Variants in DTNB observed in about 807,000 individuals in gnomAD.
DTNB encodes dystrobrevin beta.
A neutral mutation model predicts 90.7 loss-of-function variants in DTNB; 63 were observed. The observed-to-expected ratio is 0.69, with a 90% CI of 0.57 to 0.86. DTNB has a LOEUF of 0.86. Ranked by LOEUF, DTNB falls within the 40% of genes least tolerant of loss-of-function variation. The pLI is 0.00. For synonymous variants in DTNB, 277 were observed against 286.7 expected, an observed-to-expected ratio of 0.97 and a Z score of 0.34; for missense variants, 744 against 807.1, an observed-to-expected ratio of 0.92 and a Z score of 0.95.
intron 9 of DTNB, among the ~76,000 whole-genome samples, chr2:25,494,845 C>T (rs2068435319): frequency 6.6e-6 from 1 of 151,904 alleles, no homozygotes; most frequent in African/African-American, 2.4e-5. Flanking sequence ...TGGTATTCCT[C>T]CCGGAACATC....
At chr2:25,566,304 G>A (rs1295502985) in intron 8 of DTNB, among the ~76,000 whole-genome samples, 3 of 152,136 alleles carry the variant, frequency 2.0e-5, no homozygotes, top group Non-Finnish European at 4.4e-5. Context: ...AACAAATTGT[G>A]CGAACAGGGA....
At chr2:25,625,875 G>A (rs973353526) in intron 4 of DTNB, among the ~76,000 whole-genome samples, 2 of 152,026 alleles carry the variant, frequency 1.3e-5, no homozygotes, top group African/African-American at 4.8e-5. Context: ...AGATAATTAG[G>A]TCACGAGGGG....
intron 9 of DTNB, among the ~76,000 whole-genome samples, chr2:25,523,109 A>G (rs997991725): frequency 1.3e-5 from 2 of 152,198 alleles, no homozygotes; most frequent in African/African-American, 4.8e-5. Flanking sequence ...AAAGTCTATC[A>G]ACAGCATTAA....
intron 8 of DTNB, among the ~76,000 whole-genome samples, chr2:25,566,828 A>G (rs565580365): frequency 6.6e-6 from 1 of 152,316 alleles, no homozygotes; most frequent in African/African-American, 2.4e-5. Flanking sequence ...AAGCAGTTGA[A>G]AGTGAAGGCA....
At chr2:25,474,238 C>G (rs978537704) in intron 10 of DTNB, among the ~76,000 whole-genome samples, 2 of 151,886 alleles carry the variant, frequency 1.3e-5, no homozygotes, top group African/African-American at 2.4e-5. Flanking sequence ...ACACTAAGGA[C>G]CCTGCAGTTC....
intron 4 of DTNB, among the ~76,000 whole-genome samples, chr2:25,617,108 A>T (rs1301650207): frequency 6.6e-6 from 1 of 152,134 alleles, no homozygotes; most frequent in Non-Finnish European, 1.5e-5. Context: ...ACAAACTACG[A>T]ATCTTCTCTT....
intron 12 of DTNB, among the ~76,000 whole-genome samples, chr2:25,442,265 C>T (rs1002207453): frequency 1.3e-5 from 2 of 152,206 alleles, no homozygotes; most frequent in African/African-American, 4.8e-5. Context: ...GCACTCTATC[C>T]AAAACTAATG....
At chr2:25,462,165 C>T (rs555182909) in intron 10 of DTNB, among the ~76,000 whole-genome samples, 6 of 152,296 alleles carry the variant, frequency 3.9e-5, no homozygotes, top group African/African-American at 9.6e-5. Context: ...TTTGCAGGTG[C>T]GCTAGCTGCA....
chr2:25,587,527 C>CA (rs1572986434), intron 6 of DTNB, among the ~76,000 whole-genome samples: 1 of 152,306 alleles, frequency 6.6e-6, no homozygotes, highest in East Asian at 1.9e-4. Flanking sequence ...CCTGGACCGA[C>CA]AGCCCCACAC....
chr2:25,455,316 T>G (rs191995026), intron 11 of DTNB, 89 bp downstream of exon 11: 2 of 1,262,912 alleles, frequency 1.6e-6, no homozygotes, highest in East Asian at 2.7e-5. Flanking sequence ...TGACATGCAG[T>G]TTTTTTTCCA....
chr2:25,559,144 C>G (rs1469697286), intron 8 of DTNB, among the ~76,000 whole-genome samples: 1 of 152,152 alleles, frequency 6.6e-6, no homozygotes. Context: ...AAATCCAAGA[C>G]TCTCACCTGG....
chr2:25,558,523 T>A, intron 8 of DTNB: 1 of 461,322 alleles, frequency 2.2e-6, no homozygotes, highest in Non-Finnish European at 2.8e-6. Flanking sequence ...CATACACTTC[T>A]TTGTAATGGA....
intron 3 of DTNB, among the ~76,000 whole-genome samples, 189 bp from the exon 4 acceptor site, chr2:25,628,573 C>CG (rs2074977085): frequency 1.3e-5 from 2 of 152,056 alleles, no homozygotes; most frequent in African/African-American, 4.8e-5. Context: ...GCCACCACAG[C>CG]GGTATGGGAA....
chr2:25,631,393 G>A (rs973216966), intron 3 of DTNB, among the ~76,000 whole-genome samples: 1 of 151,820 alleles, frequency 6.6e-6, no homozygotes, highest in Non-Finnish European at 1.5e-5. Context: ...GAACATAGTG[G>A]AATCCCATCT....
chr2:25,409,457 A>G (rs1224708020), intron 16 of DTNB, among the ~76,000 whole-genome samples: 1 of 152,224 alleles, frequency 6.6e-6, no homozygotes, highest in African/African-American at 2.4e-5. Context: ...TTAGCTGGCA[A>G]GACTCGATTA....
chr2:25,564,131 G>C (rs960823829), intron 8 of DTNB, among the ~76,000 whole-genome samples: 1 of 152,102 alleles, frequency 6.6e-6, no homozygotes, highest in Middle Eastern at 3.2e-3. Flanking sequence ...TCGATCTCCT[G>C]ACCTTGTGAT....
At chr2:25,511,623 C>T (rs934343142) in intron 9 of DTNB, among the ~76,000 whole-genome samples, 8 of 152,148 alleles carry the variant, frequency 5.3e-5, no homozygotes, top group African/African-American at 1.9e-4. Flanking sequence ...TGAGCCACCG[C>T]GCCCAATCGG....
chr2:25,488,743 C>T (rs1215461678), intron 9 of DTNB, among the ~76,000 whole-genome samples: 1 of 152,188 alleles, frequency 6.6e-6, no homozygotes, highest in African/African-American at 2.4e-5. Flanking sequence ...ACCTCCACCT[C>T]CCAGGTTCAA....
At position 25,621,470 on chromosome 2, in the gene DTNB, G is replaced by A. The variant is rs189311243; in HGVS notation, c.362+6701C>T. 7.6e-3 allele frequency among the ~76,000 whole-genome samples: 1,139 copies of A among 149,242 alleles called. 9 individuals are homozygous for A. The highest frequency in any genetic ancestry group is 0.013 in the Non-Finnish European group (855 of 67,330). ...ACTTTTTTTTTTTTTTTTTGAGACG[G>A]AGTTTTGCTCTTATTGCCCAGGCTG... On this transcript the variant is annotated intron_variant, in intron 4 of 20. Coordinates refer to ENST00000406818, the MANE Select transcript of DTNB (RefSeq NM_021907.5).
Sources: gnomAD v4.1 joint callset for allele counts (sites outside exome capture counted in the v4.1 genomes callset) on GRCh38, gnomAD v4.1.1 for gene constraint, MANE v1.5 for transcripts, NCBI Gene and HGNC (gene_info 2026-07-23, HGNC 2026-07-21) for gene names.